KCNN2: variants seen among roughly 807,000 people sequenced by gnomAD.
The protein encoded by KCNN2 is small conductance calcium-activated potassium channel protein 2.
A neutral mutation model predicts 55.5 loss-of-function variants in KCNN2; 24 were observed. The ratio of observed to expected loss-of-function variants is 0.43; its 90% CI spans 0.31 to 0.61. The LOEUF (loss-of-function observed/expected upper bound fraction) is 0.61. Ranked by LOEUF, KCNN2 falls within the 20% of genes least tolerant of loss-of-function variation. The pLI is 0.08. For synonymous variants in KCNN2, 431 were observed against 336.1 expected (o/e 1.28, Z -3.09); for missense variants, 754 against 853.6 (o/e 0.88, Z 1.45).
At chr5:114,090,085 T>A (rs1251232985) in intron 1 of KCNN2, among the ~76,000 whole-genome samples, 1 of 152,204 alleles carries the variant, frequency 6.6e-6, no homozygotes, top group Admixed American at 6.5e-5. Flanking sequence ...AATTTCAGTG[T>A]GTGAACTATA....
chr5:114,280,643 C>G (rs1452596640), intron 2 of KCNN2, among the ~76,000 whole-genome samples: 1 of 152,160 alleles, frequency 6.6e-6, no homozygotes, highest in African/African-American at 2.4e-5. Context: ...GGGCTCTATT[C>G]TGTTCCATTA....
rs1759376924 is a variant in KCNN2, at chr5:114,418,588, TG to T, written c.1637+13738del. Among the ~76,000 whole-genome samples the T allele has an allele frequency of 2.6e-5, 4 of 151,158 alleles. No individual in the cohort carries two copies. In the South Asian group the frequency reaches 8.4e-4, roughly 32 times the overall value. ...GGGGCAAGTGGGGCTGGCGGGGAGT[TG>T]GGGGGCAGTGGCAAGCAAGGGAACC... On this transcript the variant is annotated intron_variant, in intron 3 of 7. Coordinates refer to ENST00000673685, the MANE Select transcript of KCNN2 (RefSeq NM_021614.4).
At chr5:114,084,897 A>C (rs1750980826) in intron 1 of KCNN2, among the ~76,000 whole-genome samples, 1 of 151,922 alleles carries the variant, frequency 6.6e-6, no homozygotes, top group South Asian at 2.1e-4. Context: ...TTGTTCTAGC[A>C]CCATTTTTTA....
At chr5:114,384,261 T>G (rs1450110453) in intron 2 of KCNN2, among the ~76,000 whole-genome samples, 1 of 152,238 alleles carries the variant, frequency 6.6e-6, no homozygotes, top group Non-Finnish European at 1.5e-5. Flanking sequence ...CCTCCGAATT[T>G]TACATTATGT....
intron 1 of KCNN2, among the ~76,000 whole-genome samples, chr5:114,218,644 T>G (rs1162947137): frequency 1.3e-5 from 2 of 152,214 alleles, no homozygotes; most frequent in Admixed American, 6.5e-5. Context: ...TTACTCTGTT[T>G]AATGGTGGGC....
At chr5:114,350,097 C>CT (rs1312798813) in intron 2 of KCNN2, among the ~76,000 whole-genome samples, 2 of 151,630 alleles carry the variant, frequency 1.3e-5, no homozygotes, top group Non-Finnish European at 3.0e-5. Flanking sequence ...CTTATTTATT[C>CT]TTTTAAATTT....
In KCNN2 at chr5:114,362,836, C is replaced by A. The variant is rs1332112125; in HGVS notation, c.697C>A (p.Arg233Ser). 1.3e-6 allele frequency: 2 copies of A among 1,599,834 alleles called. No individual in the cohort carries two copies. The highest frequency in any genetic ancestry group is 2.2e-5 in the East Asian group (1 of 44,750). The part of the protein sequence containing the change: ...MRPLSNLSAS[R>S]RNLHEMDSEA... ...GCCGCTCAGCAACTTGAGCGCGTCC[C>A]GCCGGAACCTGCACGAGATGGACTC... Residue 233 changes from arginine to serine, a missense_variant, in exon 1 of 8, where the codon CGC becomes AGC. Transcript: ENST00000673685.
At chr5:114,242,550 A>C (rs909417239) in intron 2 of KCNN2, among the ~76,000 whole-genome samples, 2 of 152,194 alleles carry the variant, frequency 1.3e-5, no homozygotes, top group African/African-American at 4.8e-5. Flanking sequence ...ATATTAATTC[A>C]ACTATTTCTC....
chr5:114,129,452 G>T (rs115668986), intron 1 of KCNN2, among the ~76,000 whole-genome samples: 1 of 152,156 alleles, frequency 6.6e-6, no homozygotes, highest in Non-Finnish European at 1.5e-5. Context: ...GTAACAAGAA[G>T]AAAAAGGGAA....
At position 114,463,890 on chromosome 5, in the gene KCNN2, G is replaced by C. The variant is rs564276243; in HGVS notation, c.1779+700G>C. On this transcript the variant is annotated intron_variant, in intron 4 of 7. Transcript: ENST00000673685. Reference sequence around the variant, plus strand: ...GGGTCCATACCCAGGAAGGGAAGTAGGGAGAGCATTCCAGGAAGAGGAAAT... The same window carrying C: ...GGGTCCATACCCAGGAAGGGAAGTACGGAGAGCATTCCAGGAAGAGGAAAT... Among the ~76,000 whole-genome samples the C allele has an allele frequency of 9.8e-5, 15 of 152,304 alleles. 1 individual carries two copies. The South Asian group carries it at 2.1e-3, about 21-fold the overall frequency.
Position 114,194,959 on chromosome 5 carries a change from A to G in KCNN2, c.-270-26521A>G, listed in dbSNP as rs186748248. Among the ~76,000 whole-genome samples, 292 of 150,480 alleles carry G rather than the reference A, an allele frequency of 1.9e-3. 4 individuals carry two copies. Among genetic ancestry groups the G allele is most frequent in the Middle Eastern group, 0.01 (3 of 294 alleles). On this transcript the variant is annotated intron_variant, in intron 1 of 10. Transcript: ENST00000512097. Reference sequence around the variant, plus strand: ...CTGTTGAGAAGACTATTGTTTCCCCATTCAATTGTCTTGGCACCATTGTGC... The same window carrying G: ...CTGTTGAGAAGACTATTGTTTCCCCGTTCAATTGTCTTGGCACCATTGTGC...
chr5:114,103,682 T>C (rs1388069561), intron 1 of KCNN2, among the ~76,000 whole-genome samples: 1 of 152,174 alleles, frequency 6.6e-6, no homozygotes, highest in Non-Finnish European at 1.5e-5. Flanking sequence ...ATTGAGATAA[T>C]TGTGTGGTGT....
rs1343081461 is a variant in KCNN2, at chr5:114,124,433, A to G, written c.-271+67933A>G. On this transcript the variant is annotated intron_variant, in intron 1 of 10. Coordinates refer to the KCNN2 transcript ENST00000512097. ...ACCGTATGGAACTTGGAGAATCTTAATAAGTAGAAACTGCAGCCTCAAAAA... is the reference window on the plus strand; with the variant it reads ...ACCGTATGGAACTTGGAGAATCTTAGTAAGTAGAAACTGCAGCCTCAAAAA... Among the ~76,000 whole-genome samples the G allele has an allele frequency of 2.0e-5, 3 of 152,192 alleles. No homozygotes were observed. The East Asian group carries it at 5.8e-4, about 29-fold the overall frequency.
rs116375640 is a variant in KCNN2, at chr5:114,411,011, G to A, written c.1637+6155G>A. ...GGATAATCTAAACTGCATTTTAGAT[G>A]AATAAAGAATAAATTCTTGTGATCA... is the stretch of plus-strand genomic sequence containing the variant. On this transcript the variant is annotated intron_variant, in intron 3 of 7. Coordinates refer to ENST00000673685, the MANE Select transcript of KCNN2 (RefSeq NM_021614.4). Among the ~76,000 whole-genome samples, 844 of 152,224 alleles carry A rather than the reference G, an allele frequency of 5.5e-3. 8 individuals are homozygous for A. The highest frequency in any genetic ancestry group is 0.02 in the African/African-American group (812 of 41,532).
chr5:114,247,310 G>A (rs113311132), intron 2 of KCNN2, among the ~76,000 whole-genome samples: 5 of 151,588 alleles, frequency 3.3e-5, no homozygotes, highest in African/African-American at 9.7e-5. Flanking sequence ...TACACATGCT[G>A]GCTCCTTATT....
chr5:114,152,513 G>A (rs575279304), intron 1 of KCNN2, among the ~76,000 whole-genome samples: 1 of 152,268 alleles, frequency 6.6e-6, no homozygotes, highest in Non-Finnish European at 1.5e-5. Context: ...TTTGAAGGGT[G>A]TTTTATTTGA....
At chr5:114,361,576 C>T (rs187753135), upstream of KCNN2, among the ~76,000 whole-genome samples, 144 of 152,310 alleles carry the variant, frequency 9.5e-4, 2 homozygotes, top group East Asian at 0.02. Context: ...GACGAGGGGG[C>T]TGCTGTTTTG....
At chr5:114,253,132 C>CT (rs35260445) in intron 2 of KCNN2, among the ~76,000 whole-genome samples, 22,458 of 140,294 alleles carry the variant, frequency 0.16, 1,928 homozygotes, top group Non-Finnish European at 0.18. Context: ...TTCTTGCTTT[C>CT]TTTTTTTTTT....
At chr5:114,421,566 A>G (rs1262005776) in intron 3 of KCNN2, among the ~76,000 whole-genome samples, 5 of 151,174 alleles carry the variant, frequency 3.3e-5, no homozygotes, top group Admixed American at 6.6e-5. Flanking sequence ...CCAGAAGTGT[A>G]TAAGTATTCT....
Sources: gnomAD v4.1 joint callset for allele counts (sites outside exome capture counted in the v4.1 genomes callset) on GRCh38, gnomAD v4.1.1 for gene constraint, MANE v1.5 for transcripts, NCBI Gene and HGNC (gene_info 2026-07-23, HGNC 2026-07-21) for gene names.